Variants in DIP2A observed in about 807,000 individuals in gnomAD.
The protein encoded by DIP2A is disco-interacting protein 2 homolog A.
DIP2A carries 85 observed loss-of-function variants against 177.4 expected under a neutral mutation model. The observed-to-expected ratio is 0.48, with a 90% confidence interval of 0.40 to 0.57. The LOEUF is 0.57. DIP2A is among the 20% of genes least tolerant of loss of function. DIP2A has a pLI of 0.00. For synonymous variants in DIP2A, 886 were observed against 881.8 expected (o/e 1.00, Z -0.08); for missense variants, 1,791 against 2,100.2 (o/e 0.85, Z 2.88).
chr21:46,521,914 A>G (rs764162333), intron 8 of DIP2A, among the ~76,000 whole-genome samples: 232 of 151,078 alleles, frequency 1.5e-3, no homozygotes, highest in Non-Finnish European at 2.6e-3. Context: ...ACTTCTTACA[A>G]TCTTTTTACC....
At chr21:46,494,114 A>G (rs1242864291) in intron 3 of DIP2A, among the ~76,000 whole-genome samples, 1 of 152,264 alleles carries the variant, frequency 6.6e-6, no homozygotes, top group East Asian at 1.9e-4. Flanking sequence ...TTAACAATAA[A>G]TACTTCCTTA....
chr21:46,460,519 G>A (rs1368828571), intron 1 of DIP2A, among the ~76,000 whole-genome samples: 2 of 152,082 alleles, frequency 1.3e-5, no homozygotes, highest in Non-Finnish European at 2.9e-5. Flanking sequence ...CTGGGTCTGG[G>A]GTAGTTATTT....
At chr21:46,578,299 A>C in the DIP2A span, among the ~76,000 whole-genome samples, 2 of 151,350 alleles carry the variant, frequency 1.3e-5, no homozygotes, top group African/African-American at 4.9e-5. Flanking sequence ...CAACAGAGCA[A>C]GACTCCGTCT....
intron 4 of DIP2A, 68 bp downstream of exon 4, chr21:46,497,175 A>G (rs1601517924): frequency 6.5e-7 from 1 of 1,541,336 alleles, no homozygotes; most frequent in African/African-American, 1.4e-5. Context: ...TATCCTATTT[A>G]CTTCCCATTG....
chr21:46,554,477 C>A, intron 26 of DIP2A, 98 bp from the exon 27 acceptor site: 1 of 1,550,860 alleles, frequency 6.4e-7, no homozygotes, highest in Non-Finnish European at 8.7e-7. Context: ...CATGCCCCCC[C>A]AGCACCACCT....
chr21:46,470,660 A>G (rs1247839756), intron 1 of DIP2A, among the ~76,000 whole-genome samples: 5 of 151,976 alleles, frequency 3.3e-5, no homozygotes, highest in South Asian at 2.1e-4. Flanking sequence ...AATCCCAGCT[A>G]CTCAGGAGGC....
At chr21:46,486,300 G>T (rs1011262163) in intron 2 of DIP2A, among the ~76,000 whole-genome samples, 1 of 152,104 alleles carries the variant, frequency 6.6e-6, no homozygotes, top group African/African-American at 2.4e-5. Context: ...AAACTCCTGG[G>T]TTTGAGCAGT....
At chr21:46,559,480 G>C (rs2148902145) in intron 32 of DIP2A, among the ~76,000 whole-genome samples, 1 of 152,296 alleles carries the variant, frequency 6.6e-6, no homozygotes, top group East Asian at 1.9e-4. Flanking sequence ...ACCACAAAAA[G>C]ACCCCTGACC....
Position 46,557,420 on chromosome 21 carries a change from C to A in DIP2A, c.3630-165C>A, listed in dbSNP as rs1569107975. 4.4e-6 allele frequency: 4 copies of A among 903,042 alleles called. No individual in the cohort carries two copies. The highest frequency in any genetic ancestry group is 6.5e-6 in the Non-Finnish European group (4 of 611,726). The allele number at this position is 903,042 out of a possible 1,614,324, so 55.9% of individuals were successfully genotyped here. A position where few individuals can be genotyped will look rare whatever the true frequency, so the allele number is the denominator to read the frequency against. ...GAACCCCGTGCCTGCCATCCCCCAA[C>A]CTTCACCCTGTGGCATGTTTTCCAC... On this transcript the variant is annotated intron_variant, in intron 30 of 37. Transcript: ENST00000417564. This position sits in a 1 kb window ranked among gnomAD's most constrained non-coding sequence, Gnocchi z 6.0.
rs374141459 is a variant in DIP2A, at chr21:46,485,860, C to G, written c.163+1032C>G. Among the ~76,000 whole-genome samples the G allele has an allele frequency of 2.6e-5, 4 of 151,770 alleles. No homozygotes were observed. In the East Asian group the frequency reaches 7.8e-4, roughly 29 times the overall value. On this transcript the variant is annotated intron_variant, in intron 2 of 37. Transcript: ENST00000417564. ...GGCTGAGGTGGGGGGATCATGAGGT[C>G]AGGAGTTCAAGACCAGCCTGGCCAA...
intron 32 of DIP2A, chr21:46,558,857 G>C (rs896231900): frequency 3.3e-5 from 7 of 210,140 alleles, no homozygotes; most frequent in South Asian, 6.7e-5. Flanking sequence ...CCAGCACTTT[G>C]GGAGGCTGAG....
intron 1 of DIP2A, among the ~76,000 whole-genome samples, chr21:46,478,787 C>T (rs756778913): frequency 4.6e-5 from 7 of 151,732 alleles, no homozygotes; most frequent in Non-Finnish European, 8.8e-5. Flanking sequence ...TTTTAATTCC[C>T]TAAACATATT....
rs778162804 is a variant in DIP2A at position 46,537,544 on chromosome 21, C to T, written c.1801+5C>T. 2.4e-5 allele frequency: 38 copies of T among 1,613,790 alleles called. No individual in the cohort carries two copies. Among genetic ancestry groups the T allele is most frequent in the Middle Eastern group, 3.3e-4 (2 of 6,084 alleles). On this transcript the variant is annotated splice_donor_5th_base_variant and intron_variant, in intron 15 of 37. Coordinates refer to ENST00000417564, the MANE Select transcript of DIP2A (RefSeq NM_015151.4). This position sits in a 1 kb window ranked among gnomAD's most constrained non-coding sequence, Gnocchi z 4.1. ...AGAAAGTGTGCTTCTATAAAGGTAA[C>T]GGATACCATGGTCAGGGCCTTCACC...
chr21:46,519,378 C>A (rs1216644151), intron 8 of DIP2A, among the ~76,000 whole-genome samples: 4 of 152,150 alleles, frequency 2.6e-5, no homozygotes, highest in African/African-American at 9.7e-5. Context: ...TTACCTAGCC[C>A]CTATTCAAGA....
At chr21:46,500,669 G>C (rs1027979511) in intron 5 of DIP2A, among the ~76,000 whole-genome samples, 15 of 152,212 alleles carry the variant, frequency 9.9e-5, no homozygotes, top group African/African-American at 3.4e-4. Flanking sequence ...GGGTGGGTTA[G>C]AAATAAAAGC....
At position 46,557,094 on chromosome 21, in the gene DIP2A, G is replaced by C; in HGVS notation, c.3629+25G>C. 6.3e-7 allele frequency: 1 copy of C among 1,580,346 alleles called. No homozygotes were observed. The highest frequency in any genetic ancestry group is 1.8e-5 in the Admixed American group (1 of 56,552). ...GGTGAGTGCAGGGCCCCTGCTGCCT[G>C]CCAGGTGGGAGCAGCTCGTGTGGCT... On this transcript the variant is annotated intron_variant, in intron 30 of 37. Transcript: ENST00000417564. The surrounding 1 kb of genome is among the most constrained non-coding windows in gnomAD (Gnocchi z 6.0).
At chr21:46,544,202 T>G (rs1022845865) in intron 18 of DIP2A, among the ~76,000 whole-genome samples, 7 of 148,846 alleles carry the variant, frequency 4.7e-5, no homozygotes, top group African/African-American at 1.7e-4. Context: ...CACCGAGAGT[T>G]GGGTAGGGTG....
chr21:46,469,092 AATTATTTGTTTCATG>A (rs2055127497), intron 1 of DIP2A: 1 of 152,154 alleles, frequency 6.6e-6, no homozygotes, highest in African/African-American at 2.4e-5. Flanking sequence ...GTAGGATCAT[AATTATTTGTTTCATG>A]ATTATTTGTT....
chr21:46,551,911 C>T lies in DIP2A; in HGVS notation c.3030+7C>T. 1.3e-6 allele frequency: 2 copies of T among 1,595,658 alleles called. No individual in the cohort carries two copies. The highest frequency in any genetic ancestry group is 2.3e-5 in the South Asian group (2 of 88,826). On this transcript the variant is annotated splice_region_variant and intron_variant, in intron 25 of 37. Coordinates refer to ENST00000417564, the MANE Select transcript of DIP2A (RefSeq NM_015151.4). ...CTTGCTGCTGAACGCCAAGGTGAGGCAGTGTCACGCCCACGGGGCTTGGAA... is the reference window on the plus strand; with the variant it reads ...CTTGCTGCTGAACGCCAAGGTGAGGTAGTGTCACGCCCACGGGGCTTGGAA...
Sources: allele counts gnomAD v4.1 joint callset (sites outside exome capture counted in the v4.1 genomes callset), GRCh38; gene constraint gnomAD v4.1.1; non-coding constraint Gnocchi (gnomAD v3.1); transcripts MANE v1.5; gene names NCBI Gene and HGNC (gene_info 2026-07-23, HGNC 2026-07-21).